AVL9: variants seen among roughly 807,000 people sequenced by gnomAD.
AVL9 encodes the protein AVL9 cell migration associated, also known as late secretory pathway protein AVL9 homolog.
AVL9 carries 49 observed loss-of-function variants against 79.2 expected under a neutral mutation model. The ratio of observed to expected loss-of-function variants is 0.62; its 90% CI spans 0.49 to 0.79. The LOEUF (loss-of-function observed/expected upper bound fraction) is 0.79. Among genes scored for constraint, AVL9 ranks in the 30% least tolerant of loss-of-function variants. AVL9 has a pLI of 0.00. For synonymous variants in AVL9, 299 were observed against 280.6 expected, an observed-to-expected ratio of 1.07 and a Z score of -0.65; for missense variants, 682 against 776.8, an observed-to-expected ratio of 0.88 and a Z score of 1.45.
At chr7:32,577,007 T>C (rs1043422642) in intron 13 of AVL9, among the ~76,000 whole-genome samples, 4 of 152,070 alleles carry the variant, frequency 2.6e-5, no homozygotes. Flanking sequence ...AGGAGATCAG[T>C]TGATATAGTG....
At chr7:32,530,149 T>C (rs995410083) in intron 1 of AVL9, among the ~76,000 whole-genome samples, 5 of 152,230 alleles carry the variant, frequency 3.3e-5, no homozygotes, top group Admixed American at 2.0e-4. Context: ...CACATAGTTA[T>C]ACACATTTGT....
intron 10 of AVL9, among the ~76,000 whole-genome samples, chr7:32,560,309 A>G (rs1205828465): frequency 2.0e-5 from 3 of 151,880 alleles, no homozygotes; most frequent in African/African-American, 7.2e-5. Context: ...TAAAAGCACA[A>G]TAAAGTGAAG....
chr7:32,517,840 GT>G (rs200064637), intron 1 of AVL9, among the ~76,000 whole-genome samples: 2 of 146,222 alleles, frequency 1.4e-5, no homozygotes, highest in African/African-American at 5.0e-5. Context: ...GTTTTGTTTT[GT>G]TTTTTTTTGA....
At chr7:32,557,145 G>T (rs922951368) in intron 8 of AVL9, among the ~76,000 whole-genome samples, 2 of 148,898 alleles carry the variant, frequency 1.3e-5, no homozygotes. Flanking sequence ...TCTGACATAA[G>T]TCCATTTTCA....
At chr7:32,507,605 GT>G (rs1388488530) in intron 1 of AVL9, among the ~76,000 whole-genome samples, 3 of 152,130 alleles carry the variant, frequency 2.0e-5, no homozygotes, top group Non-Finnish European at 2.9e-5. Flanking sequence ...TCATAACTGT[GT>G]AGTGTTCCCT....
At chr7:32,501,621 A>G (rs1787130926) in intron 1 of AVL9, among the ~76,000 whole-genome samples, 1 of 152,222 alleles carries the variant, frequency 6.6e-6, no homozygotes, top group South Asian at 2.1e-4. Context: ...ATTGTGGCTA[A>G]GCGGAGTGGG....
At chr7:32,498,038 G>A (rs1352156650) in intron 1 of AVL9, among the ~76,000 whole-genome samples, 1 of 152,170 alleles carries the variant, frequency 6.6e-6, no homozygotes, top group Non-Finnish European at 1.5e-5. Context: ...AAATAGAAGT[G>A]ACTGAAGTAA....
intron 4 of AVL9, among the ~76,000 whole-genome samples, chr7:32,550,145 T>TA (rs1055541136): frequency 2.0e-5 from 3 of 152,166 alleles, no homozygotes. Context: ...GCTTCCTGAG[T>TA]AATCATTCTT....
chr7:32,569,995 T>C (rs1790753468), intron 10 of AVL9, 25 bp from the exon 11 acceptor site: 1 of 1,611,238 alleles, frequency 6.2e-7, no homozygotes, highest in African/African-American at 1.3e-5. Context: ...TTTCTGATAT[T>C]TTCTATTACT....
Position 32,579,459 on chromosome 7 carries a change from T to A in AVL9, c.1689-760T>A, listed in dbSNP as rs28416655. On this transcript the variant is annotated intron_variant, in intron 13 of 15. Coordinates refer to ENST00000318709, the MANE Select transcript of AVL9 (RefSeq NM_015060.3). ...ATATTATATATAATATATTATATAT[T>A]ATATATAATATATTATATTATATAT... Among the ~76,000 whole-genome samples the A allele has an allele frequency of 8.4e-3, 45 of 5,372 alleles. 8 individuals are homozygous for A. Among genetic ancestry groups the A allele is most frequent in the African/African-American group, 0.052 (44 of 854 alleles). The allele number at this position is 5,372 out of a possible 152,430, so 3.5% of individuals were successfully genotyped here.
chr7:32,520,081 A>G (rs1407807457), intron 1 of AVL9, among the ~76,000 whole-genome samples: 1 of 152,214 alleles, frequency 6.6e-6, no homozygotes, highest in East Asian at 1.9e-4. Context: ...ATGATTCAAC[A>G]TGAGATTTGG....
intron 5 of AVL9, 79 bp downstream of exon 5, chr7:32,551,502 GA>G: frequency 1.5e-6 from 1 of 680,040 alleles, no homozygotes; most frequent in Non-Finnish European, 2.4e-6. Context: ...GTAATACTGT[GA>G]AGGATAATTA....
chr7:32,557,021 T>G (rs1301084280), intron 8 of AVL9, among the ~76,000 whole-genome samples: 1 of 152,168 alleles, frequency 6.6e-6, no homozygotes, highest in African/African-American at 2.4e-5. Flanking sequence ...TTATGGTACT[T>G]CACTCCTAAA....
intron 1 of AVL9, among the ~76,000 whole-genome samples, chr7:32,497,343 G>GA (rs530291563): frequency 2.0e-5 from 3 of 151,498 alleles, no homozygotes; most frequent in South Asian, 4.2e-4. Context: ...CAACAAGAGC[G>GA]AAAAAAAAAG....
intron 8 of AVL9, among the ~76,000 whole-genome samples, chr7:32,556,966 A>AT (rs1303433497): frequency 2.6e-5 from 4 of 151,940 alleles, no homozygotes; most frequent in Non-Finnish European, 5.9e-5. Context: ...ATATATGTCC[A>AT]TTTTTTCCCC....
chr7:32,546,893 G>A (rs1789537371), intron 3 of AVL9, among the ~76,000 whole-genome samples: 2 of 152,114 alleles, frequency 1.3e-5, no homozygotes, highest in Admixed American at 1.3e-4. Context: ...ACAGCTTTGA[G>A]CAGTTGATGT....
chr7:32,510,025 G>A (rs772873361), intron 1 of AVL9, among the ~76,000 whole-genome samples: 2 of 152,230 alleles, frequency 1.3e-5, no homozygotes, highest in Non-Finnish European at 1.5e-5. Context: ...CATTTTCTAC[G>A]TCCATTAAAT....
In AVL9 at chr7:32,554,594, A is replaced by G. The variant is rs1249437130; in HGVS notation, c.607A>G (p.Lys203Glu). 19 of 1,548,352 alleles carry G rather than the reference A, an allele frequency of 1.2e-5. No homozygotes were observed. Among genetic ancestry groups the G allele is most frequent in the Non-Finnish European group, 1.7e-5 (19 of 1,140,450 alleles). Residue 203 changes from lysine (K) to glutamate (E), a missense_variant and splice_region_variant, in exon 8 of 16, where the codon AAG becomes GAG. Lys to Glu is a moderately conservative substitution (Grantham distance 56, BLOSUM62 1). Coordinates refer to ENST00000318709, the MANE Select transcript of AVL9 (RefSeq NM_015060.3). Reference protein sequence around the residue: ...ILFKLILLEKKVLFYISPVNK... With the variant: ...ILFKLILLEKEVLFYISPVNK... ...ATTTAAGCTAATTCTTCTTGAAAAA[A>G]AGGTACGATCCTAAGGGATGAAAGG...
chr7:32,573,140 T>G, intron 11 of AVL9, 59 bp from the exon 12 acceptor site: 1 of 1,334,386 alleles, frequency 7.5e-7, no homozygotes, highest in South Asian at 1.2e-5. Flanking sequence ...CTCTGTAAAG[T>G]GTGGCATGGA....
Sources: gnomAD v4.1 joint callset for allele counts (sites outside exome capture counted in the v4.1 genomes callset) on GRCh38, gnomAD v4.1.1 for gene constraint, MANE v1.5 for transcripts, NCBI Gene and HGNC (gene_info 2026-07-23, HGNC 2026-07-21) for gene names.